The following GTPBP6 variants were observed in gnomAD, a reference collection of about 807,000 sequenced individuals.
The protein encoded by GTPBP6 is putative GTP-binding protein 6.
GTPBP6 carries 33 observed loss-of-function variants against 28.9 expected under a neutral mutation model. The observed-to-expected ratio is 1.14, with a 90% CI of 0.87 to 1.53. The LOEUF (loss-of-function observed/expected upper bound fraction) is 1.53, where lower values mean the gene tolerates loss of function less well. Ranked by LOEUF, GTPBP6 falls within the 40% of genes most tolerant of loss-of-function variation. GTPBP6 has a pLI of 0.00. For missense variants in GTPBP6, 507 were observed against 408.3 expected, an observed-to-expected ratio of 1.24 and a Z score of -2.08; for synonymous variants, 231 against 192.7, an observed-to-expected ratio of 1.20 and a Z score of -1.65.
At position 311,693 on chromosome X, in the gene GTPBP6, A is replaced by G. The variant is rs909336503; in HGVS notation, c.917-66T>C. ...CGTCCCAACTCCTAGCGCCGCAGCC[A>G]GGCCCTCCAAATGGAGACCACGGCA... On this transcript the variant is annotated intron_variant, in intron 6 of 9. Transcript: ENST00000326153. 16 of 1,333,298 alleles carry G rather than the reference A, an allele frequency of 1.2e-5. No individual in the cohort carries two copies. The Admixed American group carries it at 2.5e-4, about 21-fold the overall frequency. 82.6% of individuals were successfully genotyped at this position (1,333,298 alleles called of 1,614,324 possible). A position where few individuals can be genotyped will look rare whatever the true frequency, so the allele number is the denominator to read the frequency against.
intron 7 of GTPBP6, among the ~76,000 whole-genome samples, chrX:311,196 T>TCCGAGGGCCCGGCCCCTGGG (rs1556031600): frequency 2.7e-5 from 4 of 146,834 alleles, no homozygotes; most frequent in African/African-American, 1.0e-4. Context: ...TGGGTGGGTG[T>TCCGAGGGCCCGGCCCCTGGG]CTGAGGGCCC....
chrX:314,729 G>C (rs2070397074), intron 4 of GTPBP6, among the ~76,000 whole-genome samples, 161 bp downstream of exon 4: 1 of 151,974 alleles, frequency 6.6e-6, no homozygotes, highest in Non-Finnish European at 1.5e-5. Context: ...GCCCACCTCG[G>C]CCTCCCAAAG....
intron 7 of GTPBP6, among the ~76,000 whole-genome samples, chrX:309,594 G>A (rs1468582592): frequency 6.6e-6 from 1 of 152,172 alleles, no homozygotes; most frequent in East Asian, 1.9e-4. Context: ...GCAATGACAG[G>A]TGTCCTAGGA....
At chrX:307,459 C>T (rs2124446673) in exon 9 of GTPBP6, 1 of 1,611,784 alleles carries the variant, frequency 6.2e-7, no homozygotes, top group South Asian at 1.1e-5. Flanking sequence ...CTCCTGGAGC[C>T]CGTGGCCCCG....
Position 317,569 on chromosome X carries a change from T to TGGGAG in GTPBP6, c.350-519_350-518insCTCCC, listed in dbSNP as rs1556036874. 1.4e-4 allele frequency among the ~76,000 whole-genome samples: 17 copies of TGGGAG among 117,548 alleles called. 1 individual carries two copies. The highest frequency in any genetic ancestry group is 5.1e-4 in the African/African-American group (16 of 31,312). The allele number at this position is 117,548 out of a possible 152,430, so 77.1% of individuals were successfully genotyped here. A position where few individuals can be genotyped will look rare whatever the true frequency, so the allele number is the denominator to read the frequency against. On this transcript the variant is annotated intron_variant, in intron 1 of 9. Transcript: ENST00000326153. ...GCATTTCCTCCTGGGGGGTGGGGGG[T>TGGGAG]GGGACTAGACACAGATTGGTCCGCT...
chrX:305,902 G>C (rs944968028), intron 9 of GTPBP6, among the ~76,000 whole-genome samples: 4 of 152,140 alleles, frequency 2.6e-5, no homozygotes, highest in African/African-American at 9.7e-5. Context: ...GGGATTACAG[G>C]TGTGAGCCAC....
chrX:310,973 G>A (rs1223906361), intron 7 of GTPBP6, among the ~76,000 whole-genome samples: 1 of 152,012 alleles, frequency 6.6e-6, no homozygotes, highest in Non-Finnish European at 1.5e-5. Context: ...TGGAGCAGGT[G>A]CACCCGGGAA....
chrX:311,635 G>C lies in GTPBP6; in HGVS notation c.917-8C>G. 6.2e-7 allele frequency: 1 copy of C among 1,607,898 alleles called. No individual in the cohort carries two copies. Among genetic ancestry groups the C allele is most frequent in the Non-Finnish European group, 8.5e-7 (1 of 1,175,980 alleles). ...TGATCAGCGTGGTCTTTCCTAGGAG[G>C]GCGTGGAGGTCAGGGCGCTGCAGAG... On this transcript the variant is annotated splice_region_variant and splice_polypyrimidine_tract_variant and intron_variant, in intron 6 of 9. Coordinates refer to ENST00000326153, the Ensembl canonical transcript of GTPBP6.
intron 2 of GTPBP6, among the ~76,000 whole-genome samples, chrX:315,525 G>T (rs1476458514): frequency 2.9e-5 from 3 of 104,334 alleles, no homozygotes; most frequent in African/African-American, 1.1e-4. Flanking sequence ...AACACATCCC[G>T]GCAGGGACAC....
chrX:307,704 C>T (rs764541077), intron 8 of GTPBP6, 28 bp downstream of exon 8: 50 of 1,459,854 alleles, frequency 3.4e-5, no homozygotes, highest in African/African-American at 4.3e-5. Context: ...GGGAAGGAGA[C>T]GCTTGCGGAC....
chrX:314,873 C>G lies in GTPBP6; in HGVS notation c.689+17G>C, dbSNP rs2070400223. The G allele has an allele frequency of 5.0e-6, 2 of 399,262 alleles. No homozygotes were observed. Among genetic ancestry groups the G allele is most frequent in the African/African-American group, 4.1e-5 (2 of 48,636 alleles). The allele number at this position is 399,262 out of a possible 1,614,324, so 24.7% of individuals were successfully genotyped here. A position where few individuals can be genotyped will look rare whatever the true frequency, so the allele number is the denominator to read the frequency against. On this transcript the variant is annotated intron_variant, in intron 4 of 9. Transcript: ENST00000326153. ...AGTGGACGTGACGCTCGGCGCGGCCCAGGGGCCCCACGATACCTGTGCAGC... is the reference window on the plus strand; with the variant it reads ...AGTGGACGTGACGCTCGGCGCGGCCGAGGGGCCCCACGATACCTGTGCAGC...
At chrX:314,491 T>TA (rs1556034965) in intron 4 of GTPBP6, among the ~76,000 whole-genome samples, 1 of 149,868 alleles carries the variant, frequency 6.7e-6, no homozygotes, top group Non-Finnish European at 1.5e-5. Context: ...TTTTTTTTTT[T>TA]AGACGGAGTC....
intron 1 of GTPBP6, among the ~76,000 whole-genome samples, chrX:317,489 C>A (rs1386985833): frequency 7.0e-6 from 1 of 142,786 alleles, no homozygotes; most frequent in Non-Finnish European, 1.5e-5. Context: ...CAGGAGCTTC[C>A]AAGGGAAAAA....
chrX:305,310 T>G, intron 9 of GTPBP6, 113 bp from the exon 10 acceptor site: 3 of 790,450 alleles, frequency 3.8e-6, no homozygotes, highest in Non-Finnish European at 6.2e-6. Context: ...CATCAGACCG[T>G]CCTGTTTCCT....
chrX:312,746 T>G lies in GTPBP6; in HGVS notation c.916+20A>C, dbSNP rs766761114. 150 of 1,591,158 alleles carry G rather than the reference T, an allele frequency of 9.4e-5. No individual in the cohort carries two copies. In the East Asian group the frequency reaches 3.0e-3, roughly 31 times the overall value. On this transcript the variant is annotated intron_variant, in intron 6 of 9. Transcript: ENST00000326153. Reference sequence around the variant, plus strand: ...TGACACGGAGACCGCGGAAGGCCCCTCCCCTGGGCGCGTGCTCACCGCAGT... The same window carrying G: ...TGACACGGAGACCGCGGAAGGCCCCGCCCCTGGGCGCGTGCTCACCGCAGT...
chrX:318,416 C>G, intron 1 of GTPBP6, 23 bp downstream of exon 1: 1 of 398,750 alleles, frequency 2.5e-6, no homozygotes, highest in Non-Finnish European at 4.4e-6. Flanking sequence ...CTGTTTCTCC[C>G]CCGAAAGCCC....
chrX:317,612 T>C (rs2070461770), intron 1 of GTPBP6, among the ~76,000 whole-genome samples: 1 of 151,434 alleles, frequency 6.6e-6, no homozygotes, highest in Non-Finnish European at 1.5e-5. Context: ...CTCCCTTCCC[T>C]GACCTCAAAC....
chrX:305,216 T>C lies in GTPBP6; in HGVS notation c.1428-19A>G. 1 of 1,586,800 alleles carries C rather than the reference T, an allele frequency of 6.3e-7. No homozygotes were observed. The highest frequency in any genetic ancestry group is 8.7e-7 in the Non-Finnish European group (1 of 1,155,262). Reference sequence around the variant, plus strand: ...CAGCCAGCTGGGCACAGATGCGCGTTGTATGGAGACAAGCAGAACCCGTAA... The same window carrying C: ...CAGCCAGCTGGGCACAGATGCGCGTCGTATGGAGACAAGCAGAACCCGTAA... On this transcript the variant is annotated intron_variant, in intron 9 of 9. Transcript: ENST00000326153.
chrX:312,435 G>C lies in GTPBP6; in HGVS notation c.916+331C>G, dbSNP rs1602966689. 3 of 552,332 alleles carry C rather than the reference G, an allele frequency of 5.4e-6. No individual in the cohort carries two copies. In the Admixed American group the frequency reaches 6.7e-5, roughly 12 times the overall value. 34.2% of individuals were successfully genotyped at this position (552,332 alleles called of 1,614,324 possible). The stretch of plus-strand genomic sequence containing the variant: ...GTGGTATAGATAGGGCAGTGGGGAT[G>C]GTCTAGACAGGAGGATGGTGTAGAT... On this transcript the variant is annotated intron_variant, in intron 6 of 9. Transcript: ENST00000326153.
Sources: allele counts gnomAD v4.1 joint callset (sites outside exome capture counted in the v4.1 genomes callset), GRCh38; gene constraint gnomAD v4.1.1; transcripts MANE v1.5; gene names NCBI Gene and HGNC (gene_info 2026-07-23, HGNC 2026-07-21).